Variants in WIPF3 observed in about 807,000 individuals in gnomAD.
WIPF3 encodes the protein WAS/WASL interacting protein family member 3, also known as WAS/WASL-interacting protein family member 3.
WIPF3 carries 33 observed loss-of-function variants against 38.9 expected under a neutral mutation model. That is an observed-to-expected ratio of 0.85 (90% CI 0.64 to 1.14). The LOEUF is 1.14. Ranked by LOEUF, WIPF3 falls within the 50% of genes most tolerant of loss-of-function variation. The pLI is 0.00. For synonymous variants in WIPF3, 324 were observed against 269.3 expected, an observed-to-expected ratio of 1.20 and a Z score of -1.99; for missense variants, 711 against 652.5, an observed-to-expected ratio of 1.09 and a Z score of -0.98.
At chr7:29,865,005 AT>A (rs949252035) in intron 2 of WIPF3, among the ~76,000 whole-genome samples, 1 of 152,170 alleles carries the variant, frequency 6.6e-6, no homozygotes, top group African/African-American at 2.4e-5. Flanking sequence ...AATAGCTAAC[AT>A]TTATTGAGTA....
chr7:29,898,016 C>T (rs1323373261), intron 7 of WIPF3, among the ~76,000 whole-genome samples: 2 of 152,168 alleles, frequency 1.3e-5, no homozygotes, highest in Admixed American at 1.3e-4. Flanking sequence ...AACACTGCCT[C>T]CACTTCCCCA....
intron 1 of WIPF3, among the ~76,000 whole-genome samples, chr7:29,818,052 A>G (rs755233587): frequency 3.7e-4 from 57 of 152,212 alleles, no homozygotes; most frequent in Non-Finnish European, 5.6e-4. Context: ...TGTGAACACA[A>G]TTATTTCTTC....
At chr7:29,911,688 T>C (rs771942031) in intron 8 of WIPF3, among the ~76,000 whole-genome samples, 1 of 152,276 alleles carries the variant, frequency 6.6e-6, no homozygotes, top group South Asian at 2.1e-4. Context: ...AGGGAAAAGG[T>C]AGTATTTTCA....
chr7:29,912,549 G>A (rs77297253), intron 8 of WIPF3: 134 of 213,558 alleles, frequency 6.3e-4, no homozygotes, highest in Non-Finnish European at 1.0e-3. Flanking sequence ...GTTCATGAGC[G>A]TGATGATTGA....
Position 29,875,874 on chromosome 7 carries a change from C to T in WIPF3, c.135C>T (p.Gly45=). ...TSSLRRADPK[G]RSALLADIQQ... Reference sequence around the variant, plus strand: ...GCTTGCGAAGGGCAGATCCGAAAGGCCGGAGTGCGCTGTTGGCTGATATCC... The same window carrying T: ...GCTTGCGAAGGGCAGATCCGAAAGGTCGGAGTGCGCTGTTGGCTGATATCC... The change falls in exon 3 of 9, where the codon GGC becomes GGT. Residue 45 remains glycine (G), a synonymous_variant. Coordinates refer to ENST00000242140, the MANE Select transcript of WIPF3 (RefSeq NM_001080529.3). The T allele has an allele frequency of 6.2e-7, 1 of 1,614,098 alleles. No individual in the cohort carries two copies. The highest frequency in any genetic ancestry group is 1.1e-5 in the South Asian group (1 of 91,086).
At chr7:29,863,114 G>A (rs1050308661) in intron 2 of WIPF3, among the ~76,000 whole-genome samples, 1 of 152,038 alleles carries the variant, frequency 6.6e-6, no homozygotes, top group Non-Finnish European at 1.5e-5. Context: ...GCAGGGGAGG[G>A]TAACAACTTT....
intron 1 of WIPF3, among the ~76,000 whole-genome samples, chr7:29,834,368 T>G (rs1784765567): frequency 6.6e-6 from 1 of 151,844 alleles, no homozygotes; most frequent in South Asian, 2.1e-4. Context: ...GAATGAAGGA[T>G]TGCTATATAT....
intron 7 of WIPF3, among the ~76,000 whole-genome samples, chr7:29,896,986 C>T (rs917318670): frequency 1.3e-5 from 2 of 152,170 alleles, no homozygotes; most frequent in African/African-American, 4.8e-5. Context: ...TGAACAACTC[C>T]CCATTCTCCT....
At chr7:29,866,703 G>A (rs1051027548) in intron 2 of WIPF3, among the ~76,000 whole-genome samples, 1 of 152,216 alleles carries the variant, frequency 6.6e-6, no homozygotes, top group African/African-American at 2.4e-5. Context: ...CTTCTTCGGC[G>A]CTCCACTCAC....
At chr7:29,870,515 G>A (rs1785475679) in intron 2 of WIPF3, among the ~76,000 whole-genome samples, 1 of 152,090 alleles carries the variant, frequency 6.6e-6, no homozygotes, top group Admixed American at 6.5e-5. Flanking sequence ...AGTATGAGGT[G>A]ACCTTTACAT....
At chr7:29,881,214 TTTC>T (rs1266156047) in intron 4 of WIPF3, among the ~76,000 whole-genome samples, 2 of 152,228 alleles carry the variant, frequency 1.3e-5, no homozygotes, top group Non-Finnish European at 2.9e-5. Flanking sequence ...TCAATTTACT[TTTC>T]TTGTATTACT....
intron 1 of WIPF3, among the ~76,000 whole-genome samples, chr7:29,822,123 G>GTTTTTTTTTTTTTTTTTTTTTTTTT: frequency 3.2e-5 from 2 of 62,872 alleles, no homozygotes; most frequent in Non-Finnish European, 2.9e-5. Context: ...TTTTTTCTTA[G>GTTTTTTTTTTTTTTTTTTTTTTTTT]TTTTTTTTTT....
In WIPF3 at chr7:29,878,730, A is replaced by G. The variant is rs1785657120; in HGVS notation, c.224-279A>G. Among the ~76,000 whole-genome samples the G allele has an allele frequency of 6.6e-6, 1 of 152,200 alleles. No individual in the cohort carries two copies. Among genetic ancestry groups the G allele is most frequent in the Non-Finnish European group, 1.5e-5 (1 of 68,040 alleles). Reference sequence around the variant, plus strand: ...GCTCTGTTAGCATCTACAAAATGGCAGTGTTCAGGTCCCTTTGTTTTGGTC... The same window carrying G: ...GCTCTGTTAGCATCTACAAAATGGCGGTGTTCAGGTCCCTTTGTTTTGGTC... On this transcript the variant is annotated intron_variant, in intron 3 of 8. Coordinates refer to ENST00000242140, the MANE Select transcript of WIPF3 (RefSeq NM_001080529.3). The surrounding 1 kb of genome is among the most constrained non-coding windows in gnomAD (Gnocchi z 4.0).
At chr7:29,845,100 AG>A (rs1784978503) in intron 2 of WIPF3, among the ~76,000 whole-genome samples, 1 of 146,198 alleles carries the variant, frequency 6.8e-6, no homozygotes, top group Non-Finnish European at 1.5e-5. Flanking sequence ...CCCTTCTAAT[AG>A]GAAAAAAAAA....
At chr7:29,872,108 G>A (rs1039740179) in intron 2 of WIPF3, among the ~76,000 whole-genome samples, 80 of 152,308 alleles carry the variant, frequency 5.3e-4, no homozygotes, top group African/African-American at 1.8e-3. Flanking sequence ...TAGTTTTGCC[G>A]TGGGAAAAGT....
intron 7 of WIPF3, among the ~76,000 whole-genome samples, chr7:29,898,135 T>C (rs1786192691): frequency 6.6e-6 from 1 of 152,178 alleles, no homozygotes; most frequent in Admixed American, 6.5e-5. Context: ...AACTACAGTG[T>C]CAGAGGCTCT....
At chr7:29,898,849 T>C (rs954794511) in intron 7 of WIPF3, among the ~76,000 whole-genome samples, 1 of 152,256 alleles carries the variant, frequency 6.6e-6, no homozygotes, top group Admixed American at 6.5e-5. Flanking sequence ...TTTTGTGTAC[T>C]TTTTAGTATA....
intron 2 of WIPF3, among the ~76,000 whole-genome samples, chr7:29,838,606 G>A (rs1207462899): frequency 6.6e-6 from 1 of 152,162 alleles, no homozygotes; most frequent in African/African-American, 2.4e-5. Context: ...ATGTTGGCAA[G>A]GATGTGGAGT....
Position 29,884,288 on chromosome 7 carries a change from C to T in WIPF3, c.794C>T (p.Pro265Leu). The change falls in exon 5 of 9, where the codon CCT (proline) becomes CTT (leucine). Residue 265 changes from proline (P) to leucine (L), a missense_variant. By Grantham distance (98) the Pro-to-Leu change is moderately conservative. Transcript: ENST00000242140. ...CTCCCGCCCATCCCGCCCCCGCTCC[C>T]TCTGCTCCCACCTTGTGGGTATCCG... ...LHLPPIPPPL[P>L]LLPPCGYPGL... The T allele has an allele frequency of 6.5e-7, 1 of 1,530,210 alleles. No individual in the cohort carries two copies. The highest frequency in any genetic ancestry group is 8.8e-7 in the Non-Finnish European group (1 of 1,136,032). 94.8% of individuals were successfully genotyped at this position (1,530,210 alleles called of 1,614,324 possible).
Sources: allele counts gnomAD v4.1 joint callset (sites outside exome capture counted in the v4.1 genomes callset), GRCh38; gene constraint gnomAD v4.1.1; non-coding constraint Gnocchi (gnomAD v3.1); transcripts MANE v1.5; gene names NCBI Gene and HGNC (gene_info 2026-07-23, HGNC 2026-07-21).